NEDD4L: variants seen among roughly 807,000 people sequenced by gnomAD.
The protein encoded by NEDD4L is E3 ubiquitin-protein ligase NEDD4-like.
Under a neutral mutation model 148.9 loss-of-function variants are expected in NEDD4L, and 54 were observed. The ratio of observed to expected loss-of-function variants is 0.36; its 90% CI spans 0.29 to 0.45. The LOEUF is 0.45. Among genes scored for constraint, NEDD4L ranks in the 20% least tolerant of loss-of-function variants. The pLI is 1.00. For missense variants in NEDD4L, 856 were observed against 1,233.8 expected, an observed-to-expected ratio of 0.69 and a Z score of 4.59; for synonymous variants, 433 against 440.7, an observed-to-expected ratio of 0.98 and a Z score of 0.22.
intron 1 of NEDD4L, chr18:58,045,420 A>T: frequency 3.0e-6 from 1 of 336,720 alleles, no homozygotes. Context: ...GTGGGTGGGG[A>T]GAGGAAAGCT....
chr18:58,176,454 G>A (rs377541004), intron 2 of NEDD4L, among the ~76,000 whole-genome samples: 1 of 152,200 alleles, frequency 6.6e-6, no homozygotes, highest in Admixed American at 6.5e-5. Flanking sequence ...TCCTGCCTCA[G>A]CCTCCCCAGT....
chr18:58,285,993 C>G (rs1007144137), intron 5 of NEDD4L, among the ~76,000 whole-genome samples: 1 of 152,192 alleles, frequency 6.6e-6, no homozygotes, highest in African/African-American at 2.4e-5. Flanking sequence ...TAGCTATACA[C>G]AATTGTCATA....
At chr18:58,391,793 C>G (rs932419664) in intron 30 of NEDD4L, among the ~76,000 whole-genome samples, 1 of 152,216 alleles carries the variant, frequency 6.6e-6, no homozygotes, top group African/African-American at 2.4e-5. Flanking sequence ...GGAATTTCTC[C>G]TCTGAGCCCA....
intron 5 of NEDD4L, among the ~76,000 whole-genome samples, chr18:58,298,587 T>G (rs1437178582): frequency 6.6e-6 from 1 of 152,246 alleles, no homozygotes; most frequent in Non-Finnish European, 1.5e-5. Context: ...CTTTAAAGTT[T>G]GTCTTTTCCT....
intron 1 of NEDD4L, among the ~76,000 whole-genome samples, chr18:58,068,448 C>T (rs1287171857): frequency 6.6e-6 from 1 of 152,154 alleles, no homozygotes; most frequent in African/African-American, 2.4e-5. Context: ...ATCCACCTGC[C>T]TCGGCCTCCC....
At chr18:58,129,534 T>G (rs536650644) in intron 1 of NEDD4L, among the ~76,000 whole-genome samples, 1 of 152,338 alleles carries the variant, frequency 6.6e-6, no homozygotes, top group East Asian at 1.9e-4. Context: ...CATCTTGAGT[T>G]GGAGGAATCA....
At position 58,329,102 on chromosome 18, in the gene NEDD4L, C is replaced by A. The variant is rs2059570690; in HGVS notation, c.788C>A (p.Pro263His). 3 of 1,613,908 alleles carry A rather than the reference C, an allele frequency of 1.9e-6. No individual in the cohort carries two copies. The highest frequency in any genetic ancestry group is 2.7e-5 in the African/African-American group (2 of 74,958). ...RHISEDLEPE[P>H]SEGGDVPEPW... ...ATCAGCGAAGACTTGGAGCCCGAGCCCTCGGAGGGCGGGGATGTCCCCGAG... is the reference window on the plus strand; with the variant it reads ...ATCAGCGAAGACTTGGAGCCCGAGCACTCGGAGGGCGGGGATGTCCCCGAG... The change falls in exon 10 of 31, where the codon CCC (proline) becomes CAC (histidine). Residue 263 changes from proline (P) to histidine (H), a missense_variant. Pro to His is a moderately conservative substitution (Grantham distance 77). This residue lies in a region of NEDD4L where 367 missense variants were observed against 422.7 expected (regional missense o/e 0.87). Coordinates refer to ENST00000400345, the MANE Select transcript of NEDD4L (RefSeq NM_001144967.3).
At chr18:58,196,070 G>A (rs1394709092) in intron 2 of NEDD4L, among the ~76,000 whole-genome samples, 2 of 152,126 alleles carry the variant, frequency 1.3e-5, no homozygotes, top group Admixed American at 1.3e-4. Context: ...TACTGCATTT[G>A]TCATCACTGT....
chr18:58,149,661 G>GACCTCA, intron 1 of NEDD4L: 1 of 777,544 alleles, frequency 1.3e-6, no homozygotes, highest in South Asian at 1.5e-5. Flanking sequence ...TGTGTTATAT[G>GACCTCA]ACCTCAAGAT....
intron 2 of NEDD4L, among the ~76,000 whole-genome samples, chr18:58,171,536 C>T (rs1475567745): frequency 3.3e-5 from 5 of 152,250 alleles, no homozygotes; most frequent in South Asian, 2.1e-4. Flanking sequence ...CTTGTCTTAG[C>T]GGACTTGGGA....
chr18:58,261,677 G>A (rs1307712259), intron 5 of NEDD4L, among the ~76,000 whole-genome samples: 1 of 152,170 alleles, frequency 6.6e-6, no homozygotes, highest in African/African-American at 2.4e-5. Flanking sequence ...TGTAATAAAT[G>A]TTGGATAGTT....
At chr18:58,290,223 A>G (rs2054526015) in intron 5 of NEDD4L, among the ~76,000 whole-genome samples, 1 of 152,266 alleles carries the variant, frequency 6.6e-6, no homozygotes, top group Admixed American at 6.5e-5. Context: ...AGAAATGACT[A>G]ATGCACCAAC....
In NEDD4L at chr18:58,342,919, C is replaced by T. The variant is rs1247364915; in HGVS notation, c.1391C>T (p.Ser464Leu). The T allele has an allele frequency of 6.2e-7, 1 of 1,609,460 alleles. No homozygotes were observed. Among genetic ancestry groups the T allele is most frequent in the South Asian group, 1.1e-5 (1 of 89,864 alleles). Reference sequence around the variant, plus strand: ...GTTATTCTTTAGGGTGCCAAGGACTCACCCGTACGTCGGGCTGTGAAAGAC... The same window carrying T: ...GTTATTCTTTAGGGTGCCAAGGACTTACCCGTACGTCGGGCTGTGAAAGAC... ...LSAPLEGAKD[S>L]PVRRAVKDTL... Residue 464 changes from serine (S) to leucine (L), a missense_variant, in exon 16 of 31, where the codon TCA becomes TTA. Physicochemically the swap from Ser to Leu is moderately radical, Grantham distance 145 (BLOSUM62 -2). Coordinates refer to ENST00000400345, the MANE Select transcript of NEDD4L (RefSeq NM_001144967.3).
intron 1 of NEDD4L, chr18:58,149,499 T>C (rs1288313086): frequency 3.9e-6 from 6 of 1,551,322 alleles, no homozygotes; most frequent in Non-Finnish European, 5.2e-6. Context: ...CCAGCTTTCC[T>C]TTAATGCACT....
chr18:58,257,389 T>G (rs769627538), intron 5 of NEDD4L, among the ~76,000 whole-genome samples: 4 of 152,050 alleles, frequency 2.6e-5, no homozygotes, highest in Non-Finnish European at 4.4e-5. Flanking sequence ...GTGTCGCTTG[T>G]GGGATAGTGA....
intron 1 of NEDD4L, among the ~76,000 whole-genome samples, chr18:58,164,770 CT>C (rs1247154054): frequency 6.6e-6 from 1 of 152,214 alleles, no homozygotes; most frequent in Non-Finnish European, 1.5e-5. Flanking sequence ...TGCCTGGCCC[CT>C]GGGCCATTTT....
At chr18:58,122,221 C>A (rs943327272) in intron 1 of NEDD4L, among the ~76,000 whole-genome samples, 3 of 152,224 alleles carry the variant, frequency 2.0e-5, no homozygotes, top group Non-Finnish European at 4.4e-5. Flanking sequence ...CAATCTAGGC[C>A]GGGTGCTGTG....
At chr18:58,069,616 TG>T (rs1355528841) in intron 1 of NEDD4L, among the ~76,000 whole-genome samples, 1 of 152,222 alleles carries the variant, frequency 6.6e-6, no homozygotes, top group Non-Finnish European at 1.5e-5. Flanking sequence ...ATGCTGTAAC[TG>T]AGTAACACTG....
intron 5 of NEDD4L, among the ~76,000 whole-genome samples, chr18:58,267,168 G>A (rs969402169): frequency 6.6e-6 from 1 of 151,914 alleles, no homozygotes; most frequent in Non-Finnish European, 1.5e-5. Flanking sequence ...AAAACTCTAG[G>A]GTTACAAGAA....
Sources: gnomAD v4.1 joint callset for allele counts (sites outside exome capture counted in the v4.1 genomes callset) on GRCh38, gnomAD v4.1.1 for gene constraint, gnomAD v4.1.1 regional missense constraint, MANE v1.5 for transcripts, NCBI Gene and HGNC (gene_info 2026-07-23, HGNC 2026-07-21) for gene names.